RIN2: variants seen among roughly 807,000 people sequenced by gnomAD.
RIN2 encodes Ras and Rab interactor 2.
In RIN2, 36 loss-of-function variants were observed where a neutral mutation model predicts 78.0. The ratio of observed to expected loss-of-function variants is 0.46; its 90% CI spans 0.35 to 0.61. RIN2 has a LOEUF of 0.61. RIN2 is among the 20% of genes least tolerant of loss of function. The probability of loss-of-function intolerance (pLI) is 0.00; values close to 1 mark genes in which losing one functional copy is unlikely to be tolerated. For missense variants in RIN2, 1,087 were observed against 1,159.7 expected (o/e 0.94, Z 0.91); for synonymous variants, 466 against 466.8 (o/e 1.00, Z 0.02).
At chr20:19,973,656 G>A (rs954412527) in intron 8 of RIN2, among the ~76,000 whole-genome samples, 1 of 152,188 alleles carries the variant, frequency 6.6e-6, no homozygotes, top group African/African-American at 2.4e-5. Flanking sequence ...AGGCGTGGTG[G>A]TGTGCGCCTG....
intron 9 of RIN2, among the ~76,000 whole-genome samples, chr20:19,977,486 AAGCCCGGC>A (rs1420416317): frequency 6.6e-6 from 1 of 152,186 alleles, no homozygotes; most frequent in Non-Finnish European, 1.5e-5. Flanking sequence ...CTTCGAGTAT[AAGCCCGGC>A]AGCCTGTCCA....
intron 1 of RIN2, among the ~76,000 whole-genome samples, chr20:19,799,267 T>G (rs2035168504): frequency 6.6e-6 from 1 of 152,170 alleles, no homozygotes; most frequent in South Asian, 2.1e-4. Flanking sequence ...TTCGGGATCC[T>G]TTTTGTAGGA....
intron 2 of RIN2, among the ~76,000 whole-genome samples, chr20:19,832,430 G>A (rs1392335163): frequency 1.3e-5 from 2 of 149,790 alleles, no homozygotes; most frequent in Non-Finnish European, 3.0e-5. Context: ...CCCTCCCAGG[G>A]CTAATTTTTG....
At chr20:19,815,366 A>G (rs2035733485) in intron 2 of RIN2, among the ~76,000 whole-genome samples, 1 of 152,248 alleles carries the variant, frequency 6.6e-6, no homozygotes, top group Non-Finnish European at 1.5e-5. Flanking sequence ...TAAAGAAGTT[A>G]TACATAGGAA....
chr20:19,889,579 G>T lies in RIN2; in HGVS notation c.-23G>T. ...CTCTACCTTCAGGAGTCCCCGGCGT[G>T]CAGTGGAGCCTCGCTGGGGGAAATG... On this transcript the variant is annotated 5_prime_UTR_variant, in exon 3 of 13. Transcript: ENST00000255006. 6.5e-7 allele frequency: 1 copy of T among 1,549,950 alleles called. No homozygotes were observed. The highest frequency in any genetic ancestry group is 8.7e-7 in the Non-Finnish European group (1 of 1,145,954).
chr20:19,875,776 G>A (rs1304362447), intron 2 of RIN2, among the ~76,000 whole-genome samples: 1 of 152,070 alleles, frequency 6.6e-6, no homozygotes, highest in Non-Finnish European at 1.5e-5. Context: ...GTGTCCTTTG[G>A]TGTGGGCCTG....
chr20:19,827,797 CTTTTCTTT>C (rs909743626), intron 2 of RIN2, among the ~76,000 whole-genome samples: 5 of 140,324 alleles, frequency 3.6e-5, no homozygotes, highest in Non-Finnish European at 6.2e-5. Flanking sequence ...AGTAGGTTTG[CTTTTCTTT>C]TTTTCTTTTT....
chr20:19,811,542 G>A (rs138174524), intron 2 of RIN2, among the ~76,000 whole-genome samples: 17 of 152,186 alleles, frequency 1.1e-4, no homozygotes, highest in African/African-American at 3.9e-4. Flanking sequence ...GAGGGGACAA[G>A]GGAGGCACCA....
intron 2 of RIN2, among the ~76,000 whole-genome samples, chr20:19,860,907 C>T (rs2123277485): frequency 6.6e-6 from 1 of 152,310 alleles, no homozygotes; most frequent in South Asian, 2.1e-4. Context: ...AGAGGTGGCA[C>T]AGCACATAAC....
At chr20:19,820,854 G>C (rs1359296919) in intron 2 of RIN2, among the ~76,000 whole-genome samples, 1 of 152,182 alleles carries the variant, frequency 6.6e-6, no homozygotes, top group Non-Finnish European at 1.5e-5. Flanking sequence ...ATGGGTTGTG[G>C]AGCAAGCAGA....
chr20:19,931,736 A>G (rs1020005002), intron 3 of RIN2, among the ~76,000 whole-genome samples: 3 of 142,364 alleles, frequency 2.1e-5, no homozygotes, highest in African/African-American at 8.4e-5. Flanking sequence ...CTGCTTTCAA[A>G]AAAAGCCTTT....
At chr20:19,990,696 CCCTT>C (rs1210920816) in intron 10 of RIN2, among the ~76,000 whole-genome samples, 2 of 152,076 alleles carry the variant, frequency 1.3e-5, no homozygotes, top group African/African-American at 2.4e-5. Flanking sequence ...CCGGATGTCA[CCCTT>C]TCTTTCATGA....
Position 19,975,146 on chromosome 20 carries a change from C to G in RIN2, c.1121C>G (p.Ala374Gly). ...QASFLEAEGG[A>G]KTLSGGRPGA... ...TCTTTTCTGGAAGCAGAGGGCGGTG[C>G]AAAGACCTTGAGCGGCGGCCGGCCG... The change falls in exon 9 of 13, where the codon GCA becomes GGA. Residue 374 changes from alanine to glycine, a missense_variant. Physicochemically the swap from Ala to Gly is moderately conservative, Grantham distance 60. Around this residue, in one of 8 missense-constraint regions of RIN2, gnomAD observed 706 missense variants for 667.5 expected, o/e 1.06. Transcript: ENST00000255006. This position sits in a 1 kb window ranked among gnomAD's most constrained non-coding sequence, Gnocchi z 4.9. 6.2e-7 allele frequency: 1 copy of G among 1,613,100 alleles called. No individual in the cohort carries two copies. The highest frequency in any genetic ancestry group is 2.2e-5 in the East Asian group (1 of 44,864).
chr20:19,833,982 G>A (rs928629875), intron 2 of RIN2, among the ~76,000 whole-genome samples: 9 of 151,914 alleles, frequency 5.9e-5, no homozygotes, highest in African/African-American at 1.9e-4. Flanking sequence ...CCACCACATC[G>A]CCTGCACAAG....
intron 1 of RIN2, among the ~76,000 whole-genome samples, chr20:19,788,746 A>G (rs1035654047): frequency 2.0e-5 from 3 of 152,216 alleles, no homozygotes; most frequent in Non-Finnish European, 4.4e-5. Flanking sequence ...CACTAAAACT[A>G]CAAAACATTG....
chr20:19,917,052 C>G (rs543901550), intron 3 of RIN2, among the ~76,000 whole-genome samples: 18 of 151,868 alleles, frequency 1.2e-4, no homozygotes, highest in African/African-American at 4.3e-4. Flanking sequence ...TGAAAAGTGA[C>G]TTCCATTCCA....
In RIN2 at chr20:19,884,566, A is replaced by AT. The variant is rs200209571; in HGVS notation, c.-36-4991dup. Among the ~76,000 whole-genome samples the AT allele has an allele frequency of 3.3e-3, 506 of 152,044 alleles. 5 individuals are homozygous for AT. Among genetic ancestry groups the AT allele is most frequent in the African/African-American group, 0.012 (481 of 41,468 alleles). On this transcript the variant is annotated intron_variant, in intron 2 of 12. Transcript: ENST00000255006. ...AGTTTTCATGACCTTCAAACTTAAA[A>AT]TTTTTTTTTAAAATGACTGTTGGGT... is the stretch of plus-strand genomic sequence containing the variant.
intron 9 of RIN2, among the ~76,000 whole-genome samples, chr20:19,985,609 T>C (rs6046515): frequency 0.39 from 59,922 of 152,112 alleles, 14,213 homozygotes; most frequent in East Asian, 0.72. Context: ...TGGTGTCTTA[T>C]GCCTATAATC....
Position 19,856,759 on chromosome 20 carries a change from A to G in RIN2, c.-36-32807A>G, listed in dbSNP as rs78549462. Among the ~76,000 whole-genome samples the G allele has an allele frequency of 2.8e-4, 43 of 152,258 alleles. No individual in the cohort carries two copies. The East Asian group carries it at 6.8e-3, about 24-fold the overall frequency. On this transcript the variant is annotated intron_variant, in intron 2 of 12. Coordinates refer to ENST00000255006, the MANE Select transcript of RIN2 (RefSeq NM_018993.4). Reference sequence around the variant, plus strand: ...AGGCTCAAATGCTATTAAATTTTGTATTTCTCCACTGGAGCATTCCAGCGA... The same window carrying G: ...AGGCTCAAATGCTATTAAATTTTGTGTTTCTCCACTGGAGCATTCCAGCGA...
Sources: allele counts gnomAD v4.1 joint callset (sites outside exome capture counted in the v4.1 genomes callset), GRCh38; gene constraint gnomAD v4.1.1; regional missense constraint gnomAD v4.1.1; non-coding constraint Gnocchi (gnomAD v3.1); transcripts MANE v1.5; gene names NCBI Gene and HGNC (gene_info 2026-07-23, HGNC 2026-07-21).